The following FAM53B variants were observed in gnomAD, a reference collection of about 807,000 sequenced individuals.
FAM53B encodes family with sequence similarity 53 member B.
FAM53B carries 12 observed loss-of-function variants against 32.7 expected under a neutral mutation model. That is an observed-to-expected ratio of 0.37 (90% CI 0.24 to 0.59). FAM53B has a LOEUF of 0.59. Among genes scored for constraint, FAM53B ranks in the 20% least tolerant of loss-of-function variants. The probability of loss-of-function intolerance (pLI) is 0.72; values close to 1 mark genes in which losing one functional copy is unlikely to be tolerated. For missense variants in FAM53B, 477 were observed against 577.7 expected (o/e 0.83, Z 1.79); for synonymous variants, 234 against 228.7 (o/e 1.02, Z -0.21).
intron 4 of FAM53B, among the ~76,000 whole-genome samples, chr10:124,628,528 C>T (rs1340313508): frequency 6.6e-6 from 1 of 152,194 alleles, no homozygotes; most frequent in Admixed American, 6.5e-5. Flanking sequence ...CCCGTTTCCT[C>T]CCCTGGGAAG....
At chr10:124,726,803 C>T (rs1950106739) in intron 1 of FAM53B, among the ~76,000 whole-genome samples, 1 of 152,176 alleles carries the variant, frequency 6.6e-6, no homozygotes, top group Non-Finnish European at 1.5e-5. Context: ...CAAATCTTTG[C>T]TTTACTTCTA....
At chr10:124,684,110 C>G (rs1291206920) in intron 3 of FAM53B, among the ~76,000 whole-genome samples, 2 of 152,252 alleles carry the variant, frequency 1.3e-5, no homozygotes, top group African/African-American at 2.4e-5. Context: ...AACTGAGGGG[C>G]TGGGGACCCT....
At chr10:124,680,294 G>T (rs1042673193) in intron 4 of FAM53B, among the ~76,000 whole-genome samples, 4 of 152,170 alleles carry the variant, frequency 2.6e-5, no homozygotes, top group Non-Finnish European at 4.4e-5. Flanking sequence ...GGAGGCACAA[G>T]CATACCACCA....
Position 124,653,438 on chromosome 10 carries a change from G to A in FAM53B, c.906+28169C>T, listed in dbSNP as rs1021740764. Among the ~76,000 whole-genome samples, 7 of 152,148 alleles carry A rather than the reference G, an allele frequency of 4.6e-5. No homozygotes were observed. The South Asian group carries it at 8.3e-4, about 18-fold the overall frequency. On this transcript the variant is annotated intron_variant, in intron 4 of 4. Transcript: ENST00000337318. ...ATCTCACAGAGCTGAAAATACCCAGGCACTGCCAGGGTCCCGGATGGCCAG... is the reference window on the plus strand; with the variant it reads ...ATCTCACAGAGCTGAAAATACCCAGACACTGCCAGGGTCCCGGATGGCCAG...
At chr10:124,657,046 ATATATG>A (rs1312714960) in intron 4 of FAM53B, among the ~76,000 whole-genome samples, 13 of 142,290 alleles carry the variant, frequency 9.1e-5, no homozygotes, top group East Asian at 2.0e-4. Context: ...AAATATATAT[ATATATG>A]TATATATGTA....
Position 124,681,588 on chromosome 10 carries a change from AG to A in FAM53B, c.906+18del. 3 of 1,557,570 alleles carry A rather than the reference AG, an allele frequency of 1.9e-6. No homozygotes were observed. The East Asian group carries it at 6.8e-5, about 35-fold the overall frequency. On this transcript the variant is annotated intron_variant, in intron 4 of 4. Coordinates refer to ENST00000337318, the MANE Select transcript of FAM53B (RefSeq NM_014661.4). ...CTCCAGTGAGCACCAAGGTGACTCC[AG>A]GCTGCTGGGGCTCTTACCTGTGCCA...
intron 1 of FAM53B, among the ~76,000 whole-genome samples, chr10:124,738,915 G>T (rs2134106288): frequency 6.6e-6 from 1 of 152,188 alleles, no homozygotes; most frequent in South Asian, 2.1e-4. Context: ...CCCCCAGAAG[G>T]TCACTGGAAA....
intron 4 of FAM53B, among the ~76,000 whole-genome samples, chr10:124,658,735 T>G (rs1469843225): frequency 3.3e-5 from 5 of 152,142 alleles, no homozygotes; most frequent in Non-Finnish European, 7.4e-5. Context: ...AGGCCACAAC[T>G]GCAGTGCAGT....
chr10:124,740,247 C>G (rs778211363), intron 1 of FAM53B, among the ~76,000 whole-genome samples: 1 of 152,160 alleles, frequency 6.6e-6, no homozygotes, highest in African/African-American at 2.4e-5. Context: ...AAAACCACAA[C>G]CCGCAATACA....
At chr10:124,722,435 G>C (rs1406173300) in intron 1 of FAM53B, among the ~76,000 whole-genome samples, 1 of 152,202 alleles carries the variant, frequency 6.6e-6, no homozygotes, top group East Asian at 1.9e-4. Flanking sequence ...AGAACAGTGG[G>C]TATATTAAGC....
intron 2 of FAM53B, among the ~76,000 whole-genome samples, 193 bp from the exon 3 acceptor site, chr10:124,696,405 C>A (rs557352635): frequency 1.3e-5 from 2 of 152,328 alleles, no homozygotes; most frequent in East Asian, 3.9e-4. Context: ...TGTCCCAAGT[C>A]TCTAGTGAGT....
At chr10:124,675,898 T>C (rs2079547316) in intron 4 of FAM53B, among the ~76,000 whole-genome samples, 1 of 152,368 alleles carries the variant, frequency 6.6e-6, no homozygotes, top group African/African-American at 2.4e-5. Context: ...AGAACAGAGA[T>C]GGTGGATGAC....
At chr10:124,658,316 G>A (rs574261998) in intron 4 of FAM53B, among the ~76,000 whole-genome samples, 25 of 152,206 alleles carry the variant, frequency 1.6e-4, no homozygotes, top group Non-Finnish European at 3.2e-4. Context: ...GTCCAGAAGC[G>A]CCCCAGGTCA....
In FAM53B at chr10:124,706,673, G is replaced by A; in HGVS notation, c.41C>T (p.Ala14Val). The change falls in exon 2 of 5, where the codon GCT becomes GTT. Residue 14 changes from alanine (A) to valine (V), a missense_variant. Physicochemically the swap from Ala to Val is moderately conservative, Grantham distance 64. Around this residue, in one of 2 missense-constraint regions of FAM53B, gnomAD observed 312 missense variants for 420.2 expected, o/e 0.74. Transcript: ENST00000337318. ...GAAGGTCCCACATGCAATGGAGTCA[G>A]CTCCCCGGGTGCTGAGGCTTTCACT... The part of the protein sequence containing the change: ...VLSESLSTRG[A>V]DSIACGTFSR... 1 of 1,614,188 alleles carries A rather than the reference G, an allele frequency of 6.2e-7. No homozygotes were observed. Among genetic ancestry groups the A allele is most frequent in the Non-Finnish European group, 8.5e-7 (1 of 1,180,032 alleles).
chr10:124,680,186 G>C (rs899723208), intron 4 of FAM53B, among the ~76,000 whole-genome samples: 1 of 152,186 alleles, frequency 6.6e-6, no homozygotes, highest in African/African-American at 2.4e-5. Flanking sequence ...CACACGCCTA[G>C]AGCCACAATG....
chr10:124,702,790 T>A (rs541650349), intron 2 of FAM53B, among the ~76,000 whole-genome samples: 5 of 152,256 alleles, frequency 3.3e-5, no homozygotes, highest in African/African-American at 4.8e-5. Flanking sequence ...TAACCCCCAA[T>A]GCTGGAGGCG....
intron 3 of FAM53B, 89 bp downstream of exon 3, chr10:124,696,069 G>C (rs1328731090): frequency 4.7e-6 from 5 of 1,057,634 alleles, no homozygotes; most frequent in Non-Finnish European, 7.3e-6. Context: ...CTTGTGTCCA[G>C]AAAGTGCTTT....
At chr10:124,679,380 A>G (rs1229967502) in intron 4 of FAM53B, among the ~76,000 whole-genome samples, 1 of 152,208 alleles carries the variant, frequency 6.6e-6, no homozygotes, top group African/African-American at 2.4e-5. Flanking sequence ...CCAGCTCATC[A>G]GGTTCCCACG....
intron 1 of FAM53B, among the ~76,000 whole-genome samples, chr10:124,719,121 C>T (rs1211983455): frequency 6.6e-6 from 1 of 152,030 alleles, no homozygotes; most frequent in Non-Finnish European, 1.5e-5. Context: ...AAAGCTAAGT[C>T]CAGGCATTTG....
Sources: allele counts gnomAD v4.1 joint callset (sites outside exome capture counted in the v4.1 genomes callset), GRCh38; gene constraint gnomAD v4.1.1; regional missense constraint gnomAD v4.1.1; transcripts MANE v1.5; gene names NCBI Gene and HGNC (gene_info 2026-07-23, HGNC 2026-07-21).